Variants in LGMN observed in about 807,000 individuals in gnomAD.
LGMN encodes asparaginyl endopeptidase.
A neutral mutation model predicts 56.8 loss-of-function variants in LGMN; 36 were observed. The observed-to-expected ratio is 0.63, with a 90% CI of 0.49 to 0.84. LGMN has a LOEUF of 0.84. Ranked by LOEUF, LGMN falls within the 40% of genes least tolerant of loss-of-function variation. The probability of loss-of-function intolerance (pLI) is 0.00; values close to 1 mark genes in which losing one functional copy is unlikely to be tolerated. For synonymous variants in LGMN, 199 were observed against 210.1 expected (o/e 0.95, Z 0.46); for missense variants, 446 against 556.1 (o/e 0.80, Z 1.99).
At position 92,703,890 on chromosome 14, in the gene LGMN, A is replaced by C; in HGVS notation, c.*429T>G. ...TACAAAAGCAATCAAAAATCATCATATTTTCTAAAAACAGTTTTCCATTTG... is the reference window on the plus strand; with the variant it reads ...TACAAAAGCAATCAAAAATCATCATCTTTTCTAAAAACAGTTTTCCATTTG... On this transcript the variant is annotated 3_prime_UTR_variant, in exon 14 of 14. Transcript: ENST00000334869. The C allele has an allele frequency of 2.2e-6, 1 of 445,920 alleles. No homozygotes were observed. The allele number at this position is 445,920 out of a possible 1,614,324, so 27.6% of individuals were successfully genotyped here.
chr14:92,728,280 C>A (rs1005693525), intron 2 of LGMN, among the ~76,000 whole-genome samples: 7 of 152,154 alleles, frequency 4.6e-5, no homozygotes, highest in African/African-American at 1.4e-4. Context: ...GAGTGCGCAG[C>A]CTGGATTCCT....
At position 92,714,754 on chromosome 14, in the gene LGMN, C is replaced by A. The variant is rs1717773249; in HGVS notation, c.405-303G>T. Among the ~76,000 whole-genome samples, 1 of 152,088 alleles carries A rather than the reference C, an allele frequency of 6.6e-6. No individual in the cohort carries two copies. Among genetic ancestry groups the A allele is most frequent in the South Asian group, 2.1e-4 (1 of 4,824 alleles). ...CCTGGTGTGAGGTGGATAGTGGGGT[C>A]CTTTGGCAATTGGGCCTCATCCCAG... On this transcript the variant is annotated intron_variant, in intron 5 of 13. Coordinates refer to ENST00000334869, the MANE Select transcript of LGMN (RefSeq NM_005606.7). This position sits in a 1 kb window ranked among gnomAD's most constrained non-coding sequence, Gnocchi z 5.1.
At chr14:92,719,068 G>A (rs1365000202) in intron 2 of LGMN, among the ~76,000 whole-genome samples, 3 of 151,748 alleles carry the variant, frequency 2.0e-5, no homozygotes, top group East Asian at 1.9e-4. Flanking sequence ...TAGTGCACAC[G>A]TGGGCTACGT....
chr14:92,746,428 A>C (rs573201497), intron 1 of LGMN, among the ~76,000 whole-genome samples: 1 of 152,120 alleles, frequency 6.6e-6, no homozygotes, highest in Non-Finnish European at 1.5e-5. Context: ...CTCAAGAGAC[A>C]GAGTTTACTT....
chr14:92,723,857 A>G (rs558564364), intron 2 of LGMN, among the ~76,000 whole-genome samples: 1 of 152,084 alleles, frequency 6.6e-6, no homozygotes, highest in African/African-American at 2.4e-5. Flanking sequence ...TCAGCCTCCC[A>G]AGTAGCTGGG....
chr14:92,745,960 T>A (rs1891799370), intron 1 of LGMN, among the ~76,000 whole-genome samples: 1 of 152,162 alleles, frequency 6.6e-6, no homozygotes, highest in African/African-American at 2.4e-5. Flanking sequence ...TAGCTGGGAT[T>A]ACAGGCACGT....
intron 11 of LGMN, among the ~76,000 whole-genome samples, chr14:92,707,264 C>A (rs1438669708): frequency 9.1e-5 from 12 of 131,154 alleles, no homozygotes; most frequent in African/African-American, 3.1e-4. Context: ...AAAAAAAAAA[C>A]CTTCACTCTA....
chr14:92,718,732 G>A lies in LGMN; in HGVS notation c.236+15C>T. 1 of 1,569,984 alleles carries A rather than the reference G, an allele frequency of 6.4e-7. No homozygotes were observed. The highest frequency in any genetic ancestry group is 2.2e-5 in the East Asian group (1 of 44,528). On this transcript the variant is annotated intron_variant, in intron 3 of 13. Coordinates refer to ENST00000334869, the MANE Select transcript of LGMN (RefSeq NM_005606.7). ...GAAGTCCTTCCCCACCAAGTTCCAA[G>A]TGTTCCCCACTTACTCTTCAGAGTA...
chr14:92,717,029 C>T (rs916656099), intron 4 of LGMN, among the ~76,000 whole-genome samples: 3 of 152,058 alleles, frequency 2.0e-5, no homozygotes, highest in Admixed American at 1.3e-4. Flanking sequence ...TTGCACCAAG[C>T]CTGGTACTGA....
intron 7 of LGMN, among the ~76,000 whole-genome samples, chr14:92,713,522 G>C (rs889286222): frequency 3.3e-5 from 5 of 152,218 alleles, no homozygotes; most frequent in African/African-American, 1.2e-4. Flanking sequence ...CAAAGTGTGG[G>C]CCGAAGACCA....
At chr14:92,742,382 C>T (rs905627885) in intron 1 of LGMN, among the ~76,000 whole-genome samples, 1 of 150,202 alleles carries the variant, frequency 6.7e-6, no homozygotes, top group Non-Finnish European at 1.5e-5. Flanking sequence ...ACTGCAACCT[C>T]CACCTCCCAG....
chr14:92,713,304 T>A (rs1019731246), intron 7 of LGMN, among the ~76,000 whole-genome samples: 2 of 152,044 alleles, frequency 1.3e-5, no homozygotes, highest in African/African-American at 4.8e-5. Flanking sequence ...GGTCTTAAAC[T>A]CCTGGCCTCA....
intron 10 of LGMN, among the ~76,000 whole-genome samples, chr14:92,711,056 G>A (rs1264472803): frequency 6.6e-6 from 1 of 152,172 alleles, no homozygotes; most frequent in South Asian, 2.1e-4. Context: ...CATTTGTTAC[G>A]GTGTTTGCAC....
At chr14:92,732,568 T>A in intron 2 of LGMN, 81 bp downstream of exon 2, 1 of 1,497,102 alleles carries the variant, frequency 6.7e-7, no homozygotes, top group Non-Finnish European at 9.1e-7. Context: ...TCAAGTCTTT[T>A]CTATTTAATA....
At chr14:92,704,442 G>T in intron 13 of LGMN, 81 bp from the exon 14 acceptor site, 1 of 1,258,404 alleles carries the variant, frequency 7.9e-7, no homozygotes, top group Non-Finnish European at 1.1e-6. Flanking sequence ...ACATGCGGCA[G>T]GCAGGCAGTT....
intron 2 of LGMN, among the ~76,000 whole-genome samples, chr14:92,719,332 A>ACCGCCACCACCGCCG (rs1890324932): frequency 3.6e-5 from 3 of 83,458 alleles, no homozygotes; most frequent in East Asian, 9.4e-4. Flanking sequence ...CGCCACCGCC[A>ACCGCCACCACCGCCG]CCGCCATCAC....
chr14:92,733,041 C>T (rs759151879), intron 1 of LGMN, among the ~76,000 whole-genome samples: 3 of 150,950 alleles, frequency 2.0e-5, no homozygotes, highest in Non-Finnish European at 2.9e-5. Context: ...CCCAGCTACT[C>T]GGGAGGCTGA....
At chr14:92,711,167 TGGA>T (rs1163795461) in intron 10 of LGMN, among the ~76,000 whole-genome samples, 1 of 152,178 alleles carries the variant, frequency 6.6e-6, no homozygotes, top group Admixed American at 6.5e-5. Context: ...TGGACATATT[TGGA>T]GGAGGATAAA....
In LGMN at chr14:92,727,766, G is replaced by A. The variant is rs546716151; in HGVS notation, c.138+4883C>T. On this transcript the variant is annotated intron_variant, in intron 2 of 13. Transcript: ENST00000334869. ...CCCAAACCCGGCAACTGGAGCTGCT[G>A]TAGAGACTGCTCTTTCTCAGCCTCG... Among the ~76,000 whole-genome samples the A allele has an allele frequency of 2.0e-5, 3 of 152,250 alleles. No individual in the cohort carries two copies. In the East Asian group the frequency reaches 5.8e-4, roughly 29 times the overall value.
Sources: gnomAD v4.1 joint callset for allele counts (sites outside exome capture counted in the v4.1 genomes callset) on GRCh38, gnomAD v4.1.1 for gene constraint, Gnocchi (gnomAD v3.1) non-coding constraint, MANE v1.5 for transcripts, NCBI Gene and HGNC (gene_info 2026-07-23, HGNC 2026-07-21) for gene names.